FBXL20: variants seen among roughly 807,000 people sequenced by gnomAD.
FBXL20 encodes the protein F-box/LRR-repeat protein 20.
Under a neutral mutation model 64.0 loss-of-function variants are expected in FBXL20, and 11 were observed. The observed-to-expected ratio is 0.17, with a 90% CI of 0.11 to 0.28. The LOEUF (loss-of-function observed/expected upper bound fraction) is 0.28. FBXL20 is among the 10% of genes least tolerant of loss of function. The probability of loss-of-function intolerance (pLI) is 1.00; values close to 1 mark genes in which losing one functional copy is unlikely to be tolerated. For synonymous variants in FBXL20, 184 were observed against 189.0 expected, an observed-to-expected ratio of 0.97 and a Z score of 0.22; for missense variants, 303 against 526.2, an observed-to-expected ratio of 0.58 and a Z score of 4.15.
upstream of FBXL20, chr17:39,402,424 C>G (rs1346682111): frequency 2.6e-6 from 1 of 387,804 alleles, no homozygotes; most frequent in African/African-American, 2.1e-5. Flanking sequence ...CGCTGAGCAA[C>G]AGGCCAAGTG....
intron 6 of FBXL20, among the ~76,000 whole-genome samples, chr17:39,287,887 C>G (rs764502913): frequency 2.0e-5 from 3 of 151,560 alleles, no homozygotes; most frequent in Non-Finnish European, 2.9e-5. Context: ...TTGGCATTGT[C>G]TCTCTTTTTG....
chr17:39,355,283 T>C (rs1411499325), intron 1 of FBXL20, among the ~76,000 whole-genome samples: 1 of 151,676 alleles, frequency 6.6e-6, no homozygotes, highest in Non-Finnish European at 1.5e-5. Context: ...CCCAGCACTT[T>C]GGGAGGCTGA....
intron 1 of FBXL20, among the ~76,000 whole-genome samples, chr17:39,363,883 C>CTTTTTTT (rs71147324): frequency 4.1e-5 from 2 of 48,670 alleles, no homozygotes; most frequent in Non-Finnish European, 6.6e-5. Flanking sequence ...TGAATCATAT[C>CTTTTTTT]TTTTTTTTTT....
intron 11 of FBXL20, among the ~76,000 whole-genome samples, chr17:39,269,091 C>T: frequency 6.6e-6 from 1 of 152,124 alleles, no homozygotes; most frequent in East Asian, 1.9e-4. Flanking sequence ...CTCACTGCAG[C>T]CTCCAACTCC....
At chr17:39,325,590 C>A (rs1567880771) in intron 2 of FBXL20, among the ~76,000 whole-genome samples, 1 of 152,088 alleles carries the variant, frequency 6.6e-6, no homozygotes, top group Non-Finnish European at 1.5e-5. Flanking sequence ...ACCCTCAGAA[C>A]ATTTAGAAAA....
At chr17:39,305,903 C>T (rs545138919) in intron 2 of FBXL20, among the ~76,000 whole-genome samples, 108 of 151,928 alleles carry the variant, frequency 7.1e-4, no homozygotes, top group Non-Finnish European at 1.2e-3. Flanking sequence ...AGAAGAATCG[C>T]TTGAACCTGG....
chr17:39,315,868 A>AGG (rs1555607921), intron 2 of FBXL20, among the ~76,000 whole-genome samples: 64 of 144,596 alleles, frequency 4.4e-4, no homozygotes, highest in Non-Finnish European at 6.8e-4. Flanking sequence ...AGAGAGAGAG[A>AGG]GAGCAACTGT....
intron 12 of FBXL20, among the ~76,000 whole-genome samples, chr17:39,266,928 G>A (rs1357652716): frequency 6.6e-6 from 1 of 152,186 alleles, no homozygotes; most frequent in East Asian, 1.9e-4. Flanking sequence ...GGCTGAGGCA[G>A]GAGGATTGCT....
Position 39,387,518 on chromosome 17 carries a change from A to C in FBXL20, c.42+13843T>G, listed in dbSNP as rs776604064. Reference sequence around the variant, plus strand: ...GGTCTCGAACTCCTGACCTCAGGTGATCTGGCCGTCTCGGCCTCCCAAAGT... The same window carrying C: ...GGTCTCGAACTCCTGACCTCAGGTGCTCTGGCCGTCTCGGCCTCCCAAAGT... On this transcript the variant is annotated intron_variant, in intron 1 of 14. Coordinates refer to ENST00000264658, the MANE Select transcript of FBXL20 (RefSeq NM_032875.3). Among the ~76,000 whole-genome samples, 5 of 150,912 alleles carry C rather than the reference A, an allele frequency of 3.3e-5. No homozygotes were observed. The East Asian group carries it at 7.8e-4, about 23-fold the overall frequency.
At chr17:39,379,137 A>G (rs2047998520) in intron 1 of FBXL20, among the ~76,000 whole-genome samples, 1 of 149,670 alleles carries the variant, frequency 6.7e-6, no homozygotes, top group Admixed American at 6.6e-5. Context: ...GAGGCAGGAG[A>G]ATCGCTTGAA....
At chr17:39,359,559 C>T (rs2047774744) in intron 1 of FBXL20, among the ~76,000 whole-genome samples, 1 of 151,706 alleles carries the variant, frequency 6.6e-6, no homozygotes, top group Non-Finnish European at 1.5e-5. Context: ...GCCAAGATCA[C>T]GCAACTGCAC....
chr17:39,392,104 T>G (rs551279848), intron 1 of FBXL20, among the ~76,000 whole-genome samples: 1 of 151,830 alleles, frequency 6.6e-6, no homozygotes, highest in Non-Finnish European at 1.5e-5. Context: ...GCCACTGCAC[T>G]CTAGCCCAGG....
At chr17:39,323,073 C>T (rs2047373639) in intron 2 of FBXL20, among the ~76,000 whole-genome samples, 1 of 151,998 alleles carries the variant, frequency 6.6e-6, no homozygotes. Context: ...GGGTTCACGC[C>T]ATTCTCCTGC....
At chr17:39,343,683 G>A (rs958499209) in intron 1 of FBXL20, among the ~76,000 whole-genome samples, 22 of 150,986 alleles carry the variant, frequency 1.5e-4, no homozygotes, top group Non-Finnish European at 2.1e-4. Context: ...CCCAGGCAAC[G>A]TGGCGAAAAC....
At chr17:39,398,831 C>A (rs976498414) in intron 1 of FBXL20, among the ~76,000 whole-genome samples, 2 of 152,074 alleles carry the variant, frequency 1.3e-5, no homozygotes, top group African/African-American at 4.8e-5. Flanking sequence ...CCCACTACCA[C>A]GCCCGGCTAA....
chr17:39,364,644 T>C (rs1597822415), intron 1 of FBXL20, among the ~76,000 whole-genome samples: 1 of 152,230 alleles, frequency 6.6e-6, no homozygotes, highest in South Asian at 2.1e-4. Context: ...GTGGCAGGAA[T>C]AACACTGTGA....
Position 39,401,519 on chromosome 17 carries a change from G to A in FBXL20, c.-117C>T. On this transcript the variant is annotated 5_prime_UTR_variant, in exon 1 of 15. Coordinates refer to ENST00000264658, the MANE Select transcript of FBXL20 (RefSeq NM_032875.3). ...GACTGGGCGCCGGAGGGGTGACGCC[G>A]GGACCGTGGGACGGGAACAAGAGAC... 1 of 1,465,806 alleles carries A rather than the reference G, an allele frequency of 6.8e-7. No homozygotes were observed. The highest frequency in any genetic ancestry group is 8.9e-7 in the Non-Finnish European group (1 of 1,119,352). 90.8% of individuals were successfully genotyped at this position (1,465,806 alleles called of 1,614,324 possible).
At chr17:39,361,101 T>C (rs1231352146) in intron 1 of FBXL20, among the ~76,000 whole-genome samples, 1 of 152,050 alleles carries the variant, frequency 6.6e-6, no homozygotes, top group Non-Finnish European at 1.5e-5. Context: ...TAAATTTCTG[T>C]ATTAAGCAAG....
intron 2 of FBXL20, among the ~76,000 whole-genome samples, chr17:39,304,303 C>T (rs752973658): frequency 1.3e-5 from 2 of 151,694 alleles, no homozygotes; most frequent in East Asian, 3.9e-4. Flanking sequence ...TTTGTCTTGT[C>T]TGAAGACAGG....
Sources: allele counts gnomAD v4.1 joint callset (sites outside exome capture counted in the v4.1 genomes callset), GRCh38; gene constraint gnomAD v4.1.1; transcripts MANE v1.5; gene names NCBI Gene and HGNC (gene_info 2026-07-23, HGNC 2026-07-21).